Variants in CHKA observed in about 807,000 individuals in gnomAD.
The protein encoded by CHKA is choline kinase alpha, also known as CHETK-alpha.
In CHKA, 34 loss-of-function variants were observed where a neutral mutation model predicts 60.1. The observed-to-expected ratio is 0.57, with a 90% CI of 0.43 to 0.75. The LOEUF (loss-of-function observed/expected upper bound fraction) is 0.75. Among genes scored for constraint, CHKA ranks in the 30% least tolerant of loss-of-function variants. CHKA has a pLI of 0.00. For missense variants in CHKA, 563 were observed against 561.3 expected (o/e 1.00, Z -0.03); for synonymous variants, 217 against 223.1 (o/e 0.97, Z 0.24).
In CHKA at chr11:68,089,180, G is replaced by C. The variant is rs141396199; in HGVS notation, c.463-7723C>G. Among the ~76,000 whole-genome samples the C allele has an allele frequency of 3.3e-5, 5 of 152,260 alleles. No homozygotes were observed. The East Asian group carries it at 9.6e-4, about 29-fold the overall frequency. On this transcript the variant is annotated intron_variant, in intron 2 of 11. Transcript: ENST00000265689. ...TGAGTGGAAGCCCAGGTTTTAAAAA[G>C]GCCTATTTCAGGACCTTCTCAAAAT...
At chr11:68,063,601 G>A (rs1185632392) in intron 10 of CHKA, among the ~76,000 whole-genome samples, 2 of 152,094 alleles carry the variant, frequency 1.3e-5, no homozygotes, top group African/African-American at 4.8e-5. Flanking sequence ...ACCCTTCTTG[G>A]ACATGGGAAC....
intron 1 of CHKA, among the ~76,000 whole-genome samples, chr11:68,100,081 C>A (rs10791957): frequency 0.53 from 81,114 of 152,022 alleles, 22,229 homozygotes; most frequent in South Asian, 0.69. Flanking sequence ...AAGCCAACTA[C>A]CAATGAGTCA....
intron 11 of CHKA, among the ~76,000 whole-genome samples, chr11:68,060,030 CTCTTT>C (rs886727833): frequency 1.1e-3 from 113 of 104,906 alleles, no homozygotes; most frequent in African/African-American, 4.3e-3. Context: ...TAGAGTTTCA[CTCTTT>C]TTTTTTTGAG....
At chr11:68,110,562 C>T (rs998473621) in intron 1 of CHKA, among the ~76,000 whole-genome samples, 33 of 152,164 alleles carry the variant, frequency 2.2e-4, no homozygotes, top group Admixed American at 1.0e-3. Flanking sequence ...TTTGTTATGT[C>T]ACTCAATGTG....
intron 1 of CHKA, among the ~76,000 whole-genome samples, chr11:68,098,079 C>T (rs763013474): frequency 2.6e-5 from 4 of 152,044 alleles, no homozygotes; most frequent in Non-Finnish European, 5.9e-5. Context: ...TGACACCAGC[C>T]TGGCCAACAT....
chr11:68,067,374 G>C (rs1856479430), intron 7 of CHKA, among the ~76,000 whole-genome samples: 1 of 152,126 alleles, frequency 6.6e-6, no homozygotes, highest in Admixed American at 6.6e-5. Flanking sequence ...AGGTGGAGGT[G>C]GGAGGATCAC....
intron 11 of CHKA, among the ~76,000 whole-genome samples, chr11:68,058,130 G>A (rs1021245918): frequency 5.3e-5 from 8 of 152,142 alleles, no homozygotes; most frequent in African/African-American, 9.7e-5. Context: ...GGGCTCTAGC[G>A]ATTCTCCTGC....
At chr11:68,113,044 TGCACTCTAGCCTGG>T (rs1428740699) in intron 1 of CHKA, among the ~76,000 whole-genome samples, 2 of 116,674 alleles carry the variant, frequency 1.7e-5, no homozygotes, top group Non-Finnish European at 3.2e-5. Flanking sequence ...ATCGCACCAC[TGCACTCTAGCCTGG>T]GCAACAGAGC....
chr11:68,084,336 G>GTA (rs774306965), intron 2 of CHKA, among the ~76,000 whole-genome samples: 76 of 127,326 alleles, frequency 6.0e-4, no homozygotes, highest in Non-Finnish European at 1.0e-3. Context: ...ACACATATAC[G>GTA]TATATATATG....
At chr11:68,082,713 T>C (rs534878089) in intron 2 of CHKA, among the ~76,000 whole-genome samples, 1 of 152,330 alleles carries the variant, frequency 6.6e-6, no homozygotes, top group South Asian at 2.1e-4. Context: ...ACAAAATAAG[T>C]ATCCATGTTC....
chr11:68,099,314 G>C (rs956106840), intron 1 of CHKA, among the ~76,000 whole-genome samples: 5 of 152,210 alleles, frequency 3.3e-5, no homozygotes, highest in Non-Finnish European at 5.9e-5. Flanking sequence ...TGGGTGAATT[G>C]TATGGTTTGT....
intron 3 of CHKA, among the ~76,000 whole-genome samples, chr11:68,079,772 A>G (rs1488885890): frequency 6.6e-6 from 1 of 152,238 alleles, no homozygotes; most frequent in Non-Finnish European, 1.5e-5. Context: ...GGCATGTGAG[A>G]CATCCGAGGA....
rs1221294452 is a variant in CHKA, at chr11:68,121,322, G to A, written c.-145C>T. ...GCGGTTGGGCGCGCGGGGCGGCGGC[G>A]GCGGCTGCGGCGACTGCGGCGACTG... On this transcript the variant is annotated 5_prime_UTR_variant, in exon 1 of 12. Coordinates refer to ENST00000265689, the MANE Select transcript of CHKA (RefSeq NM_001277.3). 4.8e-5 allele frequency: 21 copies of A among 434,706 alleles called. No individual in the cohort carries two copies. The highest frequency in any genetic ancestry group is 6.1e-5 in the Non-Finnish European group (20 of 326,158). The allele number at this position is 434,706 out of a possible 1,614,324, so 26.9% of individuals were successfully genotyped here.
In CHKA at chr11:68,070,807, TTC is replaced by T; in HGVS notation, c.679_680del (p.Glu227AsnfsTer17). The stretch of plus-strand genomic sequence containing the variant: ...GAAATGTAGCCATTTTCTCGGCGAT[TTC>T]TGCAGAAATATCTGGCAAACTTAAT... ...EELSLPDISA[E>X]IAEKMATFHG... On this transcript the variant is annotated frameshift_variant, in exon 5 of 12. Transcript: ENST00000265689. LOFTEE classifies it high-confidence loss of function. 6.2e-7 allele frequency: 1 copy of T among 1,613,196 alleles called. No individual in the cohort carries two copies. Among genetic ancestry groups the T allele is most frequent in the Non-Finnish European group, 8.5e-7 (1 of 1,179,178 alleles).
At chr11:68,083,539 G>A (rs1857054746) in intron 2 of CHKA, among the ~76,000 whole-genome samples, 1 of 152,096 alleles carries the variant, frequency 6.6e-6, no homozygotes, top group Non-Finnish European at 1.5e-5. Flanking sequence ...TATCTTCTTA[G>A]GGAGATACAG....
Position 68,081,474 on chromosome 11 carries a change from G to C in CHKA, c.463-17C>G, listed in dbSNP as rs1856985861. ...ACAGGACCTCTATGAATGAGAAAAA[G>C]GAAACACTTCTGGTGAGATGGGGAA... is the stretch of plus-strand genomic sequence containing the variant. On this transcript the variant is annotated splice_polypyrimidine_tract_variant and intron_variant, in intron 2 of 11. Transcript: ENST00000265689. 6.2e-7 allele frequency: 1 copy of C among 1,605,840 alleles called. No individual in the cohort carries two copies. The highest frequency in any genetic ancestry group is 1.3e-5 in the African/African-American group (1 of 74,688).
intron 1 of CHKA, 117 bp downstream of exon 1, chr11:68,120,711 G>A (rs1305739137): frequency 6.5e-6 from 1 of 154,058 alleles, no homozygotes; most frequent in Admixed American, 6.7e-5. Flanking sequence ...CCTCCGCCCC[G>A]GCCCCGGCTC....
intron 6 of CHKA, among the ~76,000 whole-genome samples, chr11:68,069,741 G>A (rs1001364206): frequency 5.3e-5 from 8 of 151,698 alleles, no homozygotes; most frequent in South Asian, 2.1e-4. Context: ...AGTGGCCTGC[G>A]CCAAGCATCA....
rs577916284 is a variant in CHKA at position 68,067,250 on chromosome 11, G to A, written c.929-734C>T. On this transcript the variant is annotated intron_variant, in intron 7 of 11. Coordinates refer to ENST00000265689, the MANE Select transcript of CHKA (RefSeq NM_001277.3). ...CTCTCTCCTTAGGATTTCTAGTGGA[G>A]GTATAGTGTCTAGGCTCTTCAGCAT... is the stretch of plus-strand genomic sequence containing the variant. Among the ~76,000 whole-genome samples the A allele has an allele frequency of 2.0e-5, 3 of 152,268 alleles. No homozygotes were observed. The South Asian group carries it at 6.2e-4, about 32-fold the overall frequency.
Sources: allele counts gnomAD v4.1 joint callset (sites outside exome capture counted in the v4.1 genomes callset), GRCh38; gene constraint gnomAD v4.1.1; transcripts MANE v1.5; gene names NCBI Gene and HGNC (gene_info 2026-07-23, HGNC 2026-07-21).